The following PDE10A variants were observed in gnomAD, a reference collection of about 807,000 sequenced individuals.
PDE10A encodes the protein phosphodiesterase 10A.
PDE10A carries 39 observed loss-of-function variants against 97.7 expected under a neutral mutation model. The ratio of observed to expected loss-of-function variants is 0.40; its 90% CI spans 0.31 to 0.52. The LOEUF is 0.52. Among genes scored for constraint, PDE10A ranks in the 20% least tolerant of loss-of-function variants. PDE10A has a pLI of 0.56. For missense variants in PDE10A, 731 were observed against 1,047.8 expected (o/e 0.70, Z 4.17); for synonymous variants, 371 against 376.8 (o/e 0.98, Z 0.18).
At chr6:165,934,152 C>CTTTTT (rs778137427) in intron 1 of PDE10A, among the ~76,000 whole-genome samples, 1 of 109,168 alleles carries the variant, frequency 9.2e-6, no homozygotes, top group African/African-American at 3.9e-5. Flanking sequence ...CCTGGCTGAT[C>CTTTTT]TTTTTTTTTT....
chr6:165,829,589 C>A (rs1583159776), intron 1 of PDE10A, among the ~76,000 whole-genome samples: 2 of 152,234 alleles, frequency 1.3e-5, no homozygotes, highest in African/African-American at 2.4e-5. Flanking sequence ...CAGCATGCCA[C>A]AGCCAGCACC....
chr6:165,337,296 T>C lies in PDE10A; in HGVS notation c.2977-1085A>G, dbSNP rs555158925. On this transcript the variant is annotated intron_variant, in intron 20 of 21. Coordinates refer to ENST00000539869, the MANE Select transcript of PDE10A (RefSeq NM_001385079.1). ...AGTCACTGGCCAAGTGGCTGCATCA[T>C]GTACGAGACAAATAGCTCTCTAGAA... Among the ~76,000 whole-genome samples the C allele has an allele frequency of 1.6e-4, 25 of 152,322 alleles. No homozygotes were observed. The South Asian group carries it at 5.2e-3, about 32-fold the overall frequency.
chr6:165,880,094 C>G lies in PDE10A; in HGVS notation c.-615+107435G>C, dbSNP rs192679183. On this transcript the variant is annotated intron_variant, in intron 1 of 19. Coordinates refer to the PDE10A transcript ENST00000366882. ...TAATTTGTAGAGGTTTCCAGGGAAG[C>G]ATTTCTTTTTCTTCATAAGAGGAGG... is the stretch of plus-strand genomic sequence containing the variant. 1.1e-3 allele frequency among the ~76,000 whole-genome samples: 162 copies of G among 152,068 alleles called. 1 individual carries two copies. The highest frequency in any genetic ancestry group is 3.7e-3 in the African/African-American group (154 of 41,470).
chr6:165,794,210 T>C (rs991502261), intron 1 of PDE10A, among the ~76,000 whole-genome samples: 4 of 135,810 alleles, frequency 2.9e-5, no homozygotes, highest in Non-Finnish European at 4.7e-5. Context: ...TCACACACAC[T>C]CATCACACAA....
chr6:165,777,147 C>T (rs971204041), intron 1 of PDE10A, among the ~76,000 whole-genome samples: 18 of 152,178 alleles, frequency 1.2e-4, no homozygotes, highest in Non-Finnish European at 2.1e-4. Flanking sequence ...CTCAGCTTTG[C>T]TCTGCGGGGC....
intron 1 of PDE10A, among the ~76,000 whole-genome samples, chr6:165,830,495 G>A (rs1475694953): frequency 6.9e-6 from 1 of 145,670 alleles, no homozygotes; most frequent in Non-Finnish European, 1.5e-5. Flanking sequence ...GGGGATCTTA[G>A]GTGGATTTTA....
intron 1 of PDE10A, among the ~76,000 whole-genome samples, chr6:165,879,932 A>G (rs987445814): frequency 6.2e-5 from 9 of 145,862 alleles, no homozygotes; most frequent in Admixed American, 4.8e-4. Context: ...TCGGGGGGGG[A>G]CACTCTTTAA....
At chr6:165,823,952 C>A (rs1325812397) in intron 1 of PDE10A, among the ~76,000 whole-genome samples, 1 of 152,162 alleles carries the variant, frequency 6.6e-6, no homozygotes, top group Non-Finnish European at 1.5e-5. Context: ...GAGGGCAATA[C>A]TTTTTATTGC....
chr6:165,865,271 A>T (rs1430438062), intron 1 of PDE10A, among the ~76,000 whole-genome samples: 1 of 152,186 alleles, frequency 6.6e-6, no homozygotes, highest in African/African-American at 2.4e-5. Flanking sequence ...TACCCAACCC[A>T]CACTACAGAT....
chr6:165,527,682 T>C (rs573785834), intron 2 of PDE10A, among the ~76,000 whole-genome samples: 27 of 152,312 alleles, frequency 1.8e-4, no homozygotes, highest in African/African-American at 5.8e-4. Flanking sequence ...CACAGCAGCA[T>C]TCTATCATCA....
intron 2 of PDE10A, among the ~76,000 whole-genome samples, chr6:165,488,029 CAAAAAAAAAA>C (rs58319021): frequency 1.4e-4 from 12 of 83,408 alleles, no homozygotes; most frequent in African/African-American, 4.3e-4. Context: ...AACAAATTGG[CAAAAAAAAAA>C]AAAAAAAAAA....
intron 1 of PDE10A, among the ~76,000 whole-genome samples, chr6:165,586,458 C>T (rs543436857): frequency 7.3e-4 from 111 of 152,282 alleles, no homozygotes; most frequent in African/African-American, 2.5e-3. Flanking sequence ...TATTTCCTTT[C>T]CCATTTTGCC....
chr6:165,744,073 TA>T (rs1262902337), intron 1 of PDE10A, among the ~76,000 whole-genome samples: 4 of 152,220 alleles, frequency 2.6e-5, no homozygotes, highest in Non-Finnish European at 5.9e-5. Context: ...GTCATCTATT[TA>T]AAAGGAATAT....
intron 18 of PDE10A, among the ~76,000 whole-genome samples, chr6:165,375,803 A>T (rs972193714): frequency 2.0e-5 from 3 of 152,208 alleles, no homozygotes; most frequent in Non-Finnish European, 4.4e-5. Context: ...GGTCCTTAAG[A>T]ATTATGCTAA....
intron 1 of PDE10A, among the ~76,000 whole-genome samples, chr6:165,938,861 T>C (rs2128492192): frequency 6.6e-6 from 1 of 152,310 alleles, no homozygotes; most frequent in Admixed American, 6.5e-5. Context: ...TAAAATTCTA[T>C]TTGGAGACTA....
At chr6:165,872,657 TTTG>T (rs1007099737) in intron 1 of PDE10A, among the ~76,000 whole-genome samples, 3 of 100,106 alleles carry the variant, frequency 3.0e-5, no homozygotes, top group African/African-American at 7.8e-5. Flanking sequence ...CTGTGTTTTT[TTTG>T]TTGTTGTTGT....
intron 18 of PDE10A, among the ~76,000 whole-genome samples, chr6:165,370,289 G>C (rs1305563673): frequency 3.4e-5 from 5 of 148,480 alleles, no homozygotes; most frequent in Non-Finnish European, 7.4e-5. Flanking sequence ...CTGGCAAATT[G>C]GATAAAGAGT....
intron 1 of PDE10A, among the ~76,000 whole-genome samples, chr6:165,552,409 C>T (rs1161699980): frequency 6.6e-6 from 1 of 152,168 alleles, no homozygotes; most frequent in African/African-American, 2.4e-5. Context: ...AACTAAAGAC[C>T]AGGCCACTGT....
intron 1 of PDE10A, among the ~76,000 whole-genome samples, chr6:165,765,417 C>T (rs1012280100): frequency 6.6e-6 from 1 of 152,256 alleles, no homozygotes; most frequent in African/African-American, 2.4e-5. Context: ...GCTGCAGTCC[C>T]GAGACCTGCC....
Sources: gnomAD v4.1 joint callset for allele counts (sites outside exome capture counted in the v4.1 genomes callset) on GRCh38, gnomAD v4.1.1 for gene constraint, MANE v1.5 for transcripts, NCBI Gene and HGNC (gene_info 2026-07-23, HGNC 2026-07-21) for gene names.